The following DOT1L variants were observed in gnomAD, a reference collection of about 807,000 sequenced individuals.
DOT1L encodes histone-lysine N-methyltransferase, H3 lysine-79 specific.
A neutral mutation model predicts 153.3 loss-of-function variants in DOT1L; 33 were observed. That is an observed-to-expected ratio of 0.22 (90% CI 0.16 to 0.29). The LOEUF is 0.29. DOT1L is among the 10% of genes least tolerant of loss of function. DOT1L has a pLI of 1.00. For missense variants in DOT1L, 1,847 were observed against 2,119.9 expected (o/e 0.87, Z 2.53); for synonymous variants, 1,135 against 965.1 (o/e 1.18, Z -3.26).
chr19:2,228,896 G>A (rs1169104693), intron 27 of DOT1L: 7 of 985,400 alleles, frequency 7.1e-6, no homozygotes, highest in Middle Eastern at 5.2e-4. Flanking sequence ...CAGTAGCCTC[G>A]GATGCCCTCA....
At chr19:2,194,661 A>C (rs1599566565) in intron 7 of DOT1L, 84 bp downstream of exon 7, 4 of 1,139,116 alleles carry the variant, frequency 3.5e-6, no homozygotes, top group Non-Finnish European at 5.1e-6. Flanking sequence ...TTTCTTGCCG[A>C]TGTTGGCACA....
chr19:2,214,965 C>T (rs1164813361), intron 19 of DOT1L, among the ~76,000 whole-genome samples: 1 of 152,200 alleles, frequency 6.6e-6, no homozygotes. Flanking sequence ...CCTGTAATCC[C>T]AGCACCTTGG....
At chr19:2,223,229 T>G in intron 24 of DOT1L, 52 bp from the exon 25 acceptor site, 1 of 1,595,780 alleles carries the variant, frequency 6.3e-7, no homozygotes, top group South Asian at 1.1e-5. Context: ...CTCTCCTGCC[T>G]TGGGGTCCCG....
rs1491171012 is a variant in DOT1L, at chr19:2,187,922, A to AG, written c.201-1809dup. Among the ~76,000 whole-genome samples the AG allele has an allele frequency of 7.4e-4, 23 of 31,238 alleles. No homozygotes were observed. In the East Asian group the frequency reaches 0.019, roughly 26 times the overall value. The allele number at this position is 31,238 out of a possible 152,430, so 20.5% of individuals were successfully genotyped here. A position where few individuals can be genotyped will look rare whatever the true frequency, so the allele number is the denominator to read the frequency against. ...GGGTGACAGAGCGAGACTCCATCTCAGAAAAAAAAAAAAAAAGGGAAGTGA... is the reference window on the plus strand; with the variant it reads ...GGGTGACAGAGCGAGACTCCATCTCAGGAAAAAAAAAAAAAAAGGGAAGTGA... On this transcript the variant is annotated intron_variant, in intron 3 of 27. Coordinates refer to ENST00000398665, the MANE Select transcript of DOT1L (RefSeq NM_032482.3).
At chr19:2,192,645 C>T (rs544010882) in intron 5 of DOT1L, among the ~76,000 whole-genome samples, 2 of 147,748 alleles carry the variant, frequency 1.4e-5, no homozygotes, top group Non-Finnish European at 3.0e-5. Context: ...GGCACTCCGG[C>T]CTGGGTGACA....
rs2023907576 is a variant in DOT1L at position 2,216,535 on chromosome 19, G to A, written c.2178G>A (p.Leu726=). The A allele has an allele frequency of 1.9e-6, 3 of 1,611,658 alleles. No homozygotes were observed. The highest frequency in any genetic ancestry group is 2.5e-6 in the Non-Finnish European group (3 of 1,179,840). ...CTGGCTATGAGCTCTGCGGTGTGCT[G>A]AGCCGGCCTTCGTCGAAGCAGAACA... ...QAAGYELCGV[L]SRPSSKQNTP... The change falls in exon 20 of 28, where the codon CTG becomes CTA. Residue 726 remains leucine, a synonymous_variant. Transcript: ENST00000398665.
chr19:2,202,843 T>G, intron 9 of DOT1L, 64 bp downstream of exon 9: 4 of 1,562,708 alleles, frequency 2.6e-6, no homozygotes, highest in Non-Finnish European at 3.5e-6. Flanking sequence ...GGCCAGGAGG[T>G]CCCCGCAGGG....
At chr19:2,219,625 G>A (rs1474712968) in intron 22 of DOT1L, among the ~76,000 whole-genome samples, 1 of 152,250 alleles carries the variant, frequency 6.6e-6, no homozygotes, top group African/African-American at 2.4e-5. Flanking sequence ...CCATGTGGGA[G>A]TGGAGCTACT....
intron 16 of DOT1L, chr19:2,213,276 G>T: frequency 2.5e-6 from 1 of 399,190 alleles, no homozygotes; most frequent in Non-Finnish European, 4.6e-6. Flanking sequence ...GGCTGGGGGC[G>T]CTGCCCTGGC....
rs539985635 is a variant in DOT1L, at chr19:2,207,431, C to T, written c.857-143C>T. ...CCTCCCTGGGCCGGCCTCTGTGGGC[C>T]ACTGTGGCCTGACGCAGTGTGGGAG... On this transcript the variant is annotated intron_variant, in intron 10 of 27. Coordinates refer to ENST00000398665, the MANE Select transcript of DOT1L (RefSeq NM_032482.3). The surrounding 1 kb of genome is among the most constrained non-coding windows in gnomAD (Gnocchi z 4.5). 2 of 672,050 alleles carry T rather than the reference C, an allele frequency of 3.0e-6. No homozygotes were observed. The highest frequency in any genetic ancestry group is 1.8e-5 in the African/African-American group (1 of 55,160). The allele number at this position is 672,050 out of a possible 1,614,324, so 41.6% of individuals were successfully genotyped here. A position where few individuals can be genotyped will look rare whatever the true frequency, so the allele number is the denominator to read the frequency against.
At chr19:2,171,581 G>A (rs2021625200) in intron 1 of DOT1L, among the ~76,000 whole-genome samples, 1 of 152,222 alleles carries the variant, frequency 6.6e-6, no homozygotes, top group Non-Finnish European at 1.5e-5. Flanking sequence ...GCCAAGAGCT[G>A]TGCCTTTCAT....
In DOT1L at chr19:2,208,873, C is replaced by T. The variant is rs978470239; in HGVS notation, c.964-62C>T. ...AGGTTGCTGTTGTTACCTGGGTGTCCAGACAAATCCGAACAGAGATTGGGA... is the reference window on the plus strand; with the variant it reads ...AGGTTGCTGTTGTTACCTGGGTGTCTAGACAAATCCGAACAGAGATTGGGA... On this transcript the variant is annotated intron_variant, in intron 11 of 27. Transcript: ENST00000398665. The surrounding 1 kb of genome is among the most constrained non-coding windows in gnomAD (Gnocchi z 4.4). The T allele has an allele frequency of 1.8e-5, 29 of 1,568,418 alleles. No individual in the cohort carries two copies. The Admixed American group carries it at 2.1e-4, about 12-fold the overall frequency.
At chr19:2,203,378 A>G (rs1296807063) in intron 9 of DOT1L, among the ~76,000 whole-genome samples, 1 of 152,196 alleles carries the variant, frequency 6.6e-6, no homozygotes. Context: ...TTGAGATTAC[A>G]GGCGTGAGCC....
Position 2,223,462 on chromosome 19 carries a change from C to T in DOT1L, c.3572C>T (p.Ser1191Phe). The change falls in exon 25 of 28, where the codon TCT becomes TTT. Residue 1191 changes from serine to phenylalanine, a missense_variant. Ser to Phe is a radical substitution (Grantham distance 155). Transcript: ENST00000398665. ...SPLTSDEEPG[S>F]EDEPSSARIE... Reference sequence around the variant, plus strand: ...CTCACCTCAGACGAGGAGCCAGGCTCTGAGGACGAGCCCAGCAGTGCTCGG... The same window carrying T: ...CTCACCTCAGACGAGGAGCCAGGCTTTGAGGACGAGCCCAGCAGTGCTCGG... The T allele has an allele frequency of 6.2e-7, 1 of 1,611,950 alleles. No homozygotes were observed. The highest frequency in any genetic ancestry group is 2.2e-5 in the East Asian group (1 of 44,808).
At chr19:2,169,947 A>C (rs2020064255) in intron 1 of DOT1L, among the ~76,000 whole-genome samples, 1 of 152,216 alleles carries the variant, frequency 6.6e-6, no homozygotes, top group Non-Finnish European at 1.5e-5. Context: ...ACCTGCGGTC[A>C]GGAGTTCGAG....
At chr19:2,201,195 A>G (rs2023264311) in intron 8 of DOT1L, among the ~76,000 whole-genome samples, 7 of 120,392 alleles carry the variant, frequency 5.8e-5, no homozygotes, top group African/African-American at 1.7e-4. Flanking sequence ...TCCTCCCCTC[A>G]TTCCTCGTCC....
chr19:2,204,967 A>G lies in DOT1L; in HGVS notation c.788-1762A>G, dbSNP rs537978422. Among the ~76,000 whole-genome samples the G allele has an allele frequency of 4.7e-5, 7 of 149,160 alleles. No individual in the cohort carries two copies. In the East Asian group the frequency reaches 9.8e-4, roughly 21 times the overall value. On this transcript the variant is annotated intron_variant, in intron 9 of 27. Transcript: ENST00000398665. The surrounding 1 kb of genome is among the most constrained non-coding windows in gnomAD (Gnocchi z 5.7). Reference sequence around the variant, plus strand: ...CATGTGTTTAAATGGATCCACTTTGACTTTTAATTTTTTTTTTTTTGGAGA... The same window carrying G: ...CATGTGTTTAAATGGATCCACTTTGGCTTTTAATTTTTTTTTTTTTGGAGA...
rs1461677949 is a variant in DOT1L at position 2,208,485 on chromosome 19, A to G, written c.964-450A>G. 6.6e-6 allele frequency among the ~76,000 whole-genome samples: 1 copy of G among 152,118 alleles called. No individual in the cohort carries two copies. Among genetic ancestry groups the G allele is most frequent in the Admixed American group, 6.5e-5 (1 of 15,276 alleles). ...CCCCGAGGGCCCTGGGACGAGAGGCATGGTGAGCTGAGGCTGAGGCTCTGG... is the reference window on the plus strand; with the variant it reads ...CCCCGAGGGCCCTGGGACGAGAGGCGTGGTGAGCTGAGGCTGAGGCTCTGG... On this transcript the variant is annotated intron_variant, in intron 11 of 27. Coordinates refer to ENST00000398665, the MANE Select transcript of DOT1L (RefSeq NM_032482.3). This position sits in a 1 kb window ranked among gnomAD's most constrained non-coding sequence, Gnocchi z 4.4.
chr19:2,177,128 T>A (rs1225324426), intron 1 of DOT1L, among the ~76,000 whole-genome samples: 2 of 151,972 alleles, frequency 1.3e-5, no homozygotes, highest in Non-Finnish European at 2.9e-5. Flanking sequence ...GACTCCCCCG[T>A]GAGGGGGAGC....
Sources: allele counts gnomAD v4.1 joint callset (sites outside exome capture counted in the v4.1 genomes callset), GRCh38; gene constraint gnomAD v4.1.1; non-coding constraint Gnocchi (gnomAD v3.1); transcripts MANE v1.5; gene names NCBI Gene and HGNC (gene_info 2026-07-23, HGNC 2026-07-21).